The following CEP85L variants were observed in gnomAD, a reference collection of about 807,000 sequenced individuals.
CEP85L encodes centrosomal protein 85L.
In CEP85L, 60 loss-of-function variants were observed where a neutral mutation model predicts 100.3. The observed-to-expected ratio is 0.60, with a 90% CI of 0.49 to 0.74. The LOEUF is 0.74. CEP85L is among the 30% of genes least tolerant of loss of function. CEP85L has a pLI of 0.00. For synonymous variants in CEP85L, 319 were observed against 322.7 expected, an observed-to-expected ratio of 0.99 and a Z score of 0.12; for missense variants, 973 against 936.2, an observed-to-expected ratio of 1.04 and a Z score of -0.51.
chr6:118,521,633 T>C (rs1366294293), intron 4 of CEP85L, among the ~76,000 whole-genome samples: 1 of 152,166 alleles, frequency 6.6e-6, no homozygotes, highest in Non-Finnish European at 1.5e-5. Context: ...GTTGAGCCAG[T>C]TCTGAGTCTA....
At chr6:118,644,904 G>A (rs1190588967) in intron 1 of CEP85L, among the ~76,000 whole-genome samples, 2 of 152,278 alleles carry the variant, frequency 1.3e-5, no homozygotes, top group African/African-American at 4.8e-5. Context: ...AAGACTGATT[G>A]TAAACACCTA....
At chr6:118,541,718 T>C (rs17080307) in intron 3 of CEP85L, among the ~76,000 whole-genome samples, 1,697 of 152,324 alleles carry the variant, frequency 0.011, 43 homozygotes, top group African/African-American at 0.039. Flanking sequence ...AAGGTAGGAT[T>C]ACCTCCCTCA....
intron 5 of CEP85L, among the ~76,000 whole-genome samples, chr6:118,495,832 T>TA (rs1447951027): frequency 6.6e-6 from 1 of 152,204 alleles, no homozygotes; most frequent in Non-Finnish European, 1.5e-5. Context: ...GCACAGTTGT[T>TA]AAAGAGGATG....
chr6:118,616,022 G>A (rs187800746), intron 2 of CEP85L, among the ~76,000 whole-genome samples: 1 of 152,108 alleles, frequency 6.6e-6, no homozygotes, highest in Admixed American at 6.5e-5. Context: ...GAGAATCACT[G>A]AGTCTAGGAG....
chr6:118,589,773 G>C (rs1161271553), intron 2 of CEP85L: 1 of 193,102 alleles, frequency 5.2e-6, no homozygotes, highest in African/African-American at 2.4e-5. Flanking sequence ...ACAGTGAAAA[G>C]TTGAGCGTCA....
intron 3 of CEP85L, among the ~76,000 whole-genome samples, chr6:118,554,846 G>T (rs1300834094): frequency 1.3e-5 from 2 of 152,114 alleles, no homozygotes; most frequent in African/African-American, 4.8e-5. Context: ...CATGTGCAAA[G>T]AACAAAATCA....
At chr6:118,467,746 G>T (rs1419334698) in intron 12 of CEP85L, among the ~76,000 whole-genome samples, 1 of 152,182 alleles carries the variant, frequency 6.6e-6, no homozygotes, top group African/African-American at 2.4e-5. Context: ...CCCTTTGTGT[G>T]TGAGCTTTGC....
chr6:118,590,070 T>C (rs536410822), intron 2 of CEP85L, among the ~76,000 whole-genome samples: 78 of 141,422 alleles, frequency 5.5e-4, no homozygotes, highest in Admixed American at 3.7e-3. Flanking sequence ...CACACACACA[T>C]ACACACGTGG....
At chr6:118,502,460 T>C (rs984263879) in intron 5 of CEP85L, 32 of 522,582 alleles carry the variant, frequency 6.1e-5, no homozygotes, top group South Asian at 2.7e-4. Context: ...ATGAAGGCCA[T>C]ACTAGGACAC....
intron 3 of CEP85L, among the ~76,000 whole-genome samples, chr6:118,549,710 T>C (rs903885878): frequency 2.6e-5 from 4 of 151,998 alleles, no homozygotes; most frequent in Non-Finnish European, 4.4e-5. Context: ...TGTCTTATGT[T>C]ATTTGTGCAT....
At chr6:118,668,476 T>A (rs946736821) in intron 1 of CEP85L, among the ~76,000 whole-genome samples, 8 of 152,308 alleles carry the variant, frequency 5.3e-5, no homozygotes, top group African/African-American at 1.9e-4. Context: ...TGGTACTGTG[T>A]GCCTACAGTC....
At chr6:118,490,639 T>C (rs1397650458) in intron 6 of CEP85L, among the ~76,000 whole-genome samples, 1 of 152,184 alleles carries the variant, frequency 6.6e-6, no homozygotes, top group Non-Finnish European at 1.5e-5. Context: ...AAAAATCTTG[T>C]ACAAGAACGT....
chr6:118,652,378 A>G, upstream of CEP85L: 1 of 1,067,530 alleles, frequency 9.4e-7, no homozygotes, highest in Non-Finnish European at 1.1e-6. Flanking sequence ...GAAAAGGGAC[A>G]GCATCGTTTT....
intron 3 of CEP85L, among the ~76,000 whole-genome samples, chr6:118,545,752 G>A (rs1005677181): frequency 1.3e-5 from 2 of 152,030 alleles, no homozygotes; most frequent in African/African-American, 4.8e-5. Flanking sequence ...TCCCATCCAA[G>A]TTCAAAGACA....
chr6:118,496,617 T>C (rs1286462295), intron 5 of CEP85L, among the ~76,000 whole-genome samples: 1 of 152,072 alleles, frequency 6.6e-6, no homozygotes, highest in Non-Finnish European at 1.5e-5. Context: ...CCTCCCAAAG[T>C]GCTGGGATTA....
intron 3 of CEP85L, among the ~76,000 whole-genome samples, chr6:118,548,926 T>C (rs913969981): frequency 6.6e-6 from 1 of 152,002 alleles, no homozygotes; most frequent in African/African-American, 2.4e-5. Context: ...AGTTTCAGAA[T>C]ATATAATACA....
chr6:118,661,938 G>A (rs1362929848), intron 1 of CEP85L, among the ~76,000 whole-genome samples: 2 of 152,320 alleles, frequency 1.3e-5, no homozygotes, highest in Non-Finnish European at 1.5e-5. Context: ...CAAAGCAAGA[G>A]GTGCCAGCAC....
chr6:118,558,888 C>T, intron 3 of CEP85L: 1 of 1,596,528 alleles, frequency 6.3e-7, no homozygotes, highest in Non-Finnish European at 8.6e-7. Context: ...CTCTCGACCA[C>T]TTAAAACTTC....
intron 5 of CEP85L, among the ~76,000 whole-genome samples, chr6:118,496,756 T>G (rs181144818): frequency 6.6e-6 from 1 of 152,334 alleles, no homozygotes; most frequent in Non-Finnish European, 1.5e-5. Flanking sequence ...TGGCAACACA[T>G]TTCAGTGACA....
Sources: gnomAD v4.1 joint callset for allele counts (sites outside exome capture counted in the v4.1 genomes callset) on GRCh38, gnomAD v4.1.1 for gene constraint, MANE v1.5 for transcripts, NCBI Gene and HGNC (gene_info 2026-07-23, HGNC 2026-07-21) for gene names.